Variants in ADNP observed in about 807,000 individuals in gnomAD.
The protein encoded by ADNP is activity dependent neuroprotector homeobox.
A neutral mutation model predicts 84.9 loss-of-function variants in ADNP; 4 were observed. That is an observed-to-expected ratio of 0.05 (90% CI 0.02 to 0.11). The LOEUF (loss-of-function observed/expected upper bound fraction) is 0.11. Among genes scored for constraint, ADNP ranks in the 10% least tolerant of loss-of-function variants. The probability of loss-of-function intolerance (pLI) is 1.00; values close to 1 mark genes in which losing one functional copy is unlikely to be tolerated. For missense variants in ADNP, 1,132 were observed against 1,326.0 expected (o/e 0.85, Z 2.27); for synonymous variants, 554 against 468.1 (o/e 1.18, Z -2.37).
Position 50,892,558 on chromosome 20 carries a change from T to C in ADNP, c.2156A>G (p.Tyr719Cys). The C allele has an allele frequency of 1.2e-6, 2 of 1,614,240 alleles. No homozygotes were observed. The highest frequency in any genetic ancestry group is 8.5e-7 in the Non-Finnish European group (1 of 1,180,044). The change falls in exon 6 of 6, where the codon TAC becomes TGC. Residue 719 changes from tyrosine to cysteine, a missense_variant. Coordinates refer to ENST00000621696, the MANE Select transcript of ADNP (RefSeq NM_001282531.3). ...CAGTAAGGGAAATTCCATTTGCTCG[T>C]AAGTGCGCTTCACAGGTGCCAGACT... Reference protein sequence around the residue: ...SPSLAPVKRTYEQMEFPLLKK... With the variant: ...SPSLAPVKRTCEQMEFPLLKK...
At chr20:50,906,721 T>C (rs61258878) in intron 2 of ADNP, among the ~76,000 whole-genome samples, 3,782 of 152,260 alleles carry the variant, frequency 0.025, 151 homozygotes, top group African/African-American at 0.082. Context: ...TGGTAGGTAT[T>C]TTTTTCTGAA....
At position 50,889,000 on chromosome 20, in the gene ADNP, T is replaced by C. The variant is rs1410731272; in HGVS notation, c.*2405A>G. ...CTAATTAGGTGGCAGCACGTTGCCA[T>C]AGCCAACGATCTCCAGATTATTTGA... On this transcript the variant is annotated 3_prime_UTR_variant, in exon 6 of 6. Transcript: ENST00000621696. The C allele has an allele frequency of 6.6e-6, 1 of 152,178 alleles. No individual in the cohort carries two copies. The highest frequency in any genetic ancestry group is 1.5e-5 in the Non-Finnish European group (1 of 68,034). 9.4% of individuals were successfully genotyped at this position (152,178 alleles called of 1,614,324 possible). A position where few individuals can be genotyped will look rare whatever the true frequency, so the allele number is the denominator to read the frequency against.
At chr20:50,910,466 G>A (rs1182424709) in intron 2 of ADNP, among the ~76,000 whole-genome samples, 2 of 152,124 alleles carry the variant, frequency 1.3e-5, no homozygotes, top group African/African-American at 4.8e-5. Context: ...GTGGACCTGT[G>A]GTCCTAGATA....
At chr20:50,928,890 A>C (rs1240642944) in intron 1 of ADNP, 65 bp from the exon 2 acceptor site, 2 of 152,248 alleles carry the variant, frequency 1.3e-5, no homozygotes, top group Non-Finnish European at 1.5e-5. Flanking sequence ...GTGGGTGCTC[A>C]CAGAAGACTG....
At chr20:50,898,969 A>G (rs1041775102) in intron 5 of ADNP, among the ~76,000 whole-genome samples, 14 of 152,238 alleles carry the variant, frequency 9.2e-5, no homozygotes, top group African/African-American at 2.9e-4. Flanking sequence ...CCCCAAGATT[A>G]TAACGGGGCT....
At chr20:50,906,238 T>A (rs778146580) in intron 2 of ADNP, among the ~76,000 whole-genome samples, 1 of 151,964 alleles carries the variant, frequency 6.6e-6, no homozygotes, top group Non-Finnish European at 1.5e-5. Flanking sequence ...ACACATACAG[T>A]TACTACAAAC....
At chr20:50,927,872 T>C (rs1156798083) in intron 2 of ADNP, among the ~76,000 whole-genome samples, 3 of 152,226 alleles carry the variant, frequency 2.0e-5, no homozygotes, top group Non-Finnish European at 4.4e-5. Flanking sequence ...AAACTTCATT[T>C]CAAACATTCC....
rs1981121891 is a variant in ADNP, at chr20:50,894,043, T to C, written c.671A>G (p.Lys224Arg). 1.2e-6 allele frequency: 2 copies of C among 1,614,078 alleles called. No homozygotes were observed. The highest frequency in any genetic ancestry group is 1.3e-5 in the African/African-American group (1 of 74,936). Reference protein sequence around the residue: ...NAREESSIHCKRCLFMPKSYE... With the variant: ...NAREESSIHCRRCLFMPKSYE... ...GGACTTTGGCATGAAAAGGCATCGC[T>C]TGCAGTGAATACTACTCTCTTCTCG... The change falls in exon 6 of 6, where the codon AAG becomes AGG. Residue 224 changes from lysine (K) to arginine (R), a missense_variant. Physicochemically the swap from Lys to Arg is conservative, Grantham distance 26. Transcript: ENST00000621696.
At chr20:50,910,248 G>A (rs1473895424) in intron 2 of ADNP, among the ~76,000 whole-genome samples, 1 of 152,094 alleles carries the variant, frequency 6.6e-6, no homozygotes, top group Non-Finnish European at 1.5e-5. Context: ...TATGAGAAGA[G>A]TTAAACACCC....
In ADNP at chr20:50,893,735, G is replaced by A; in HGVS notation, c.979C>T (p.Leu327=). The change falls in exon 6 of 6, where the codon CTG becomes TTG. Residue 327 remains leucine, a synonymous_variant. Coordinates refer to ENST00000621696, the MANE Select transcript of ADNP (RefSeq NM_001282531.3). The surrounding 1 kb of genome is among the most constrained non-coding windows in gnomAD (Gnocchi z 4.4). ...TGVNMMSSVH[L]QQNNYGVKSV... Reference sequence around the variant, plus strand: ...TTGACTCCATAGTTGTTCTGCTGCAGATGAACACTGGACATCATGTTGACT... The same window carrying A: ...TTGACTCCATAGTTGTTCTGCTGCAAATGAACACTGGACATCATGTTGACT... 1.2e-6 allele frequency: 2 copies of A among 1,614,142 alleles called. No individual in the cohort carries two copies. The highest frequency in any genetic ancestry group is 1.1e-5 in the South Asian group (1 of 91,078).
At chr20:50,924,224 A>C (rs1356120058) in intron 2 of ADNP, among the ~76,000 whole-genome samples, 1 of 152,222 alleles carries the variant, frequency 6.6e-6, no homozygotes, top group Non-Finnish European at 1.5e-5. Flanking sequence ...AGGGAACATA[A>C]ACAACGTTTC....
rs961213266 is a variant in ADNP, at chr20:50,891,155, T to C, written c.*250A>G. 26 of 1,268,158 alleles carry C rather than the reference T, an allele frequency of 2.1e-5. No homozygotes were observed. The highest frequency in any genetic ancestry group is 3.0e-4 in the Middle Eastern group (1 of 3,368). 78.6% of individuals were successfully genotyped at this position (1,268,158 alleles called of 1,614,324 possible). On this transcript the variant is annotated 3_prime_UTR_variant, in exon 6 of 6. Transcript: ENST00000621696. ...TAAAATAAACCTCTGCTTTTCCTCG[T>C]GTGTATTCATGAGTCACCAGCTTAT...
At chr20:50,898,450 G>T (rs1161933585) in intron 5 of ADNP, among the ~76,000 whole-genome samples, 1 of 152,208 alleles carries the variant, frequency 6.6e-6, no homozygotes, top group African/African-American at 2.4e-5. Context: ...TCAGAAGCTT[G>T]TGTGTGTCTG....
chr20:50,930,191 G>C (rs1195767726), intron 1 of ADNP, among the ~76,000 whole-genome samples: 1 of 152,174 alleles, frequency 6.6e-6, no homozygotes, highest in African/African-American at 2.4e-5. Flanking sequence ...TGCAAAGTTG[G>C]GGCTCAGAAT....
intron 2 of ADNP, among the ~76,000 whole-genome samples, chr20:50,910,226 CA>C (rs1344667618): frequency 6.6e-6 from 1 of 151,972 alleles, no homozygotes; most frequent in African/African-American, 2.4e-5. Flanking sequence ...AGTAAAAAAA[CA>C]AAAAACACTA....
Position 50,890,145 on chromosome 20 carries a change from A to G in ADNP, c.*1260T>C, listed in dbSNP as rs951294599. 1 of 266,866 alleles carries G rather than the reference A, an allele frequency of 3.7e-6. No individual in the cohort carries two copies. The highest frequency in any genetic ancestry group is 5.4e-5 in the Admixed American group (1 of 18,556). The allele number at this position is 266,866 out of a possible 1,614,324, so 16.5% of individuals were successfully genotyped here. A position where few individuals can be genotyped will look rare whatever the true frequency, so the allele number is the denominator to read the frequency against. ...TGTTTTTCAGTTAAAAAAAAAAAAA[A>G]AAAAAAAAAAAAAAAAGAAAAACAG... On this transcript the variant is annotated 3_prime_UTR_variant, in exon 6 of 6. Coordinates refer to ENST00000621696, the MANE Select transcript of ADNP (RefSeq NM_001282531.3).
At chr20:50,913,567 T>C (rs1568735240) in intron 2 of ADNP, among the ~76,000 whole-genome samples, 1 of 152,236 alleles carries the variant, frequency 6.6e-6, no homozygotes, top group Non-Finnish European at 1.5e-5. Flanking sequence ...GGGACAAGCA[T>C]TTGACTCTCA....
chr20:50,926,140 A>G (rs941228691), intron 2 of ADNP, among the ~76,000 whole-genome samples: 1 of 152,152 alleles, frequency 6.6e-6, no homozygotes, highest in African/African-American at 2.4e-5. Context: ...GGGAGGAAAA[A>G]CTTTAAGTTT....
intron 2 of ADNP, among the ~76,000 whole-genome samples, chr20:50,911,935 C>G (rs1394296174): frequency 6.6e-6 from 1 of 151,902 alleles, no homozygotes; most frequent in Non-Finnish European, 1.5e-5. Context: ...TCCTACTTTC[C>G]TTCAACTGCA....
Sources: gnomAD v4.1 joint callset for allele counts (sites outside exome capture counted in the v4.1 genomes callset) on GRCh38, gnomAD v4.1.1 for gene constraint, Gnocchi (gnomAD v3.1) non-coding constraint, MANE v1.5 for transcripts, NCBI Gene and HGNC (gene_info 2026-07-23, HGNC 2026-07-21) for gene names.